The following PARD3 variants were observed in gnomAD, a reference collection of about 807,000 sequenced individuals.
The protein encoded by PARD3 is par-3 family cell polarity regulator, also known as partitioning defective 3 homolog.
PARD3 carries 75 observed loss-of-function variants against 155.4 expected under a neutral mutation model. That is an observed-to-expected ratio of 0.48 (90% CI 0.40 to 0.58). The LOEUF (loss-of-function observed/expected upper bound fraction) is 0.58. PARD3 is among the 20% of genes least tolerant of loss of function. PARD3 has a pLI of 0.00. For synonymous variants in PARD3, 576 were observed against 610.5 expected (o/e 0.94, Z 0.83); for missense variants, 1,642 against 1,721.7 (o/e 0.95, Z 0.82).
chr10:34,622,591 A>T (rs527885439), intron 2 of PARD3, among the ~76,000 whole-genome samples: 5 of 152,358 alleles, frequency 3.3e-5, no homozygotes, highest in African/African-American at 1.2e-4. Context: ...AAGCAAGATT[A>T]TCAATTCCAG....
intron 1 of PARD3, among the ~76,000 whole-genome samples, chr10:34,720,216 TG>T (rs1344203174): frequency 6.6e-6 from 1 of 152,202 alleles, no homozygotes; most frequent in African/African-American, 2.4e-5. Flanking sequence ...GTGGATCGCC[TG>T]AGTGTCAGGC....
At position 34,339,705 on chromosome 10, in the gene PARD3, G is replaced by A. The variant is rs534243129; in HGVS notation, c.2408+1922C>T. Among the ~76,000 whole-genome samples the A allele has an allele frequency of 1.4e-4, 22 of 152,280 alleles. No homozygotes were observed. The South Asian group carries it at 2.3e-3, about 16-fold the overall frequency. ...CCATTTGACATGGCCTTCGACAACTGTGCAGTGAACTACATGTACAATTTA... is the reference window on the plus strand; with the variant it reads ...CCATTTGACATGGCCTTCGACAACTATGCAGTGAACTACATGTACAATTTA... On this transcript the variant is annotated intron_variant, in intron 16 of 24. Transcript: ENST00000374788.
intron 21 of PARD3, among the ~76,000 whole-genome samples, chr10:34,272,244 T>TCTCC (rs1187856907): frequency 1.3e-5 from 2 of 152,302 alleles, no homozygotes; most frequent in Admixed American, 1.3e-4. Context: ...AACTAGTGCG[T>TCTCC]GGAGAAGGGT....
intron 1 of PARD3, among the ~76,000 whole-genome samples, chr10:34,782,820 G>A (rs897051509): frequency 4.0e-5 from 6 of 151,184 alleles, no homozygotes; most frequent in Non-Finnish European, 7.4e-5. Context: ...TCTGCCTCCC[G>A]GGTTCCAGCA....
intron 3 of PARD3, among the ~76,000 whole-genome samples, chr10:34,478,633 T>G (rs2133171123): frequency 6.6e-6 from 1 of 152,256 alleles, no homozygotes; most frequent in East Asian, 1.9e-4. Context: ...AACCTCCGCC[T>G]CCCAGGTTTA....
intron 3 of PARD3, among the ~76,000 whole-genome samples, chr10:34,516,115 C>T (rs867468114): frequency 3.3e-5 from 5 of 152,090 alleles, no homozygotes; most frequent in Admixed American, 1.3e-4. Flanking sequence ...CAGGCAACCG[C>T]CACCACGCCT....
At chr10:34,646,868 T>G (rs1286770386) in intron 2 of PARD3, among the ~76,000 whole-genome samples, 3 of 152,188 alleles carry the variant, frequency 2.0e-5, no homozygotes, top group African/African-American at 7.2e-5. Context: ...ATTATTTTTT[T>G]GCAGGCTGAC....
rs115468334 is a variant in PARD3 at position 34,460,473 on chromosome 10, T to A, written c.582+9612A>T. On this transcript the variant is annotated intron_variant, in intron 4 of 24. Transcript: ENST00000374788. ...GCTGGTTGAACTATTAGGTGTAACA[T>A]TTAACAGCTGGTTGAACTATTAGGT... Among the ~76,000 whole-genome samples, 749 of 152,286 alleles carry A rather than the reference T, an allele frequency of 4.9e-3. 4 individuals carry two copies. The highest frequency in any genetic ancestry group is 0.017 in the African/African-American group (726 of 41,564).
In PARD3 at chr10:34,337,398, G is replaced by C. The variant is rs144330998; in HGVS notation, c.2437C>G (p.Leu813Val). Residue 813 changes from leucine to valine, a missense_variant, in exon 17 of 25, where the codon CTT (leucine) becomes GTT (valine). Leu to Val is a conservative substitution (Grantham distance 32). Coordinates refer to ENST00000374788, the MANE Select transcript of PARD3 (RefSeq NM_001184785.2). ...CSLSPDVDPVLAFQREGFGRQ... is the reference protein window; with the variant it reads ...CSLSPDVDPVVAFQREGFGRQ... ...CCAAATCCTTCTCGTTGAAAAGCAA[G>C]AACTGGATCAACATCTGGACTCAAA... The C allele has an allele frequency of 5.6e-6, 9 of 1,598,258 alleles. No individual in the cohort carries two copies. Among genetic ancestry groups the C allele is most frequent in the African/African-American group, 4.1e-5 (3 of 73,934 alleles).
rs1255856402 is a variant in PARD3 at position 34,681,748 on chromosome 10, ATATATATATATATATATATATTTTTT to A, written c.222+14544_222+14569del. 9.8e-3 allele frequency among the ~76,000 whole-genome samples: 155 copies of A among 15,878 alleles called. 3 individuals carry two copies. The highest frequency in any genetic ancestry group is 0.091 in the East Asian group (85 of 932). 10.4% of individuals were successfully genotyped at this position (15,878 alleles called of 152,430 possible). ...ATGTATTTTATATATATATATATAT[ATATATATATATATATATATATTTTTT>A]TTTTTTTTTTTTTTTTTTTTTTTTT... On this transcript the variant is annotated intron_variant, in intron 2 of 24. Transcript: ENST00000374788.
intron 3 of PARD3, among the ~76,000 whole-genome samples, chr10:34,501,400 A>C (rs1242581475): frequency 6.6e-6 from 1 of 152,066 alleles, no homozygotes; most frequent in African/African-American, 2.4e-5. Flanking sequence ...AAGCTTCCAG[A>C]GGCTTCCCTA....
At chr10:34,763,119 C>T (rs1837655419) in intron 1 of PARD3, among the ~76,000 whole-genome samples, 1 of 152,180 alleles carries the variant, frequency 6.6e-6, no homozygotes, top group Non-Finnish European at 1.5e-5. Context: ...GAGGTCACTG[C>T]TGGTATTTAG....
intron 5 of PARD3, among the ~76,000 whole-genome samples, chr10:34,439,907 T>G (rs2076378091): frequency 1.3e-5 from 2 of 152,046 alleles, no homozygotes. Flanking sequence ...CTACCGCCAT[T>G]AGAGCACAGG....
rs145454308 is a variant in PARD3 at position 34,322,280 on chromosome 10, C to T, written c.2834-4942G>A. On this transcript the variant is annotated intron_variant, in intron 19 of 24. Transcript: ENST00000374788. ...AGCCCTAAAATTACCCTATGGATAG[C>T]TGAATTATGGAATTATTTTGTGGGT... Among the ~76,000 whole-genome samples the T allele has an allele frequency of 1.5e-3, 229 of 152,206 alleles. 2 individuals are homozygous for T. The highest frequency in any genetic ancestry group is 2.6e-3 in the Non-Finnish European group (174 of 68,018).
rs565987968 is a variant in PARD3 at position 34,485,333 on chromosome 10, G to A, written c.404-15070C>T. On this transcript the variant is annotated intron_variant, in intron 3 of 24. Transcript: ENST00000374788. Reference sequence around the variant, plus strand: ...AGCCTGGGAGACAGAGCAAGACTCTGTCTCAAAAAAAAAAAAAAGTTCATT... The same window carrying A: ...AGCCTGGGAGACAGAGCAAGACTCTATCTCAAAAAAAAAAAAAAGTTCATT... Among the ~76,000 whole-genome samples the A allele has an allele frequency of 2.2e-4, 24 of 108,790 alleles. No homozygotes were observed. The East Asian group carries it at 4.0e-3, about 18-fold the overall frequency. 71.4% of individuals were successfully genotyped at this position (108,790 alleles called of 152,430 possible). A position where few individuals can be genotyped will look rare whatever the true frequency, so the allele number is the denominator to read the frequency against.
chr10:34,516,060 G>C (rs115092920), intron 3 of PARD3, among the ~76,000 whole-genome samples: 2 of 151,650 alleles, frequency 1.3e-5, no homozygotes, highest in African/African-American at 4.9e-5. Flanking sequence ...ACCTCCAATC[G>C]TTCAAGCAAT....
At chr10:34,379,776 A>G (rs1841637459) in intron 9 of PARD3, among the ~76,000 whole-genome samples, 1 of 152,134 alleles carries the variant, frequency 6.6e-6, no homozygotes, top group African/African-American at 2.4e-5. Context: ...CTTTATTAAA[A>G]AGCTAATTTC....
At chr10:34,139,490 T>G (rs566729154) in intron 22 of PARD3, among the ~76,000 whole-genome samples, 1 of 152,326 alleles carries the variant, frequency 6.6e-6, no homozygotes, top group East Asian at 1.9e-4. Context: ...TTACTAATTC[T>G]TCTTGTATCC....
chr10:34,798,615 GAGTCACT>G (rs1176788142), intron 1 of PARD3, among the ~76,000 whole-genome samples: 3 of 150,914 alleles, frequency 2.0e-5, no homozygotes, highest in African/African-American at 7.3e-5. Flanking sequence ...TGAGGCAGGA[GAGTCACT>G]AGAACCCGGG....
Sources: gnomAD v4.1 joint callset for allele counts (sites outside exome capture counted in the v4.1 genomes callset) on GRCh38, gnomAD v4.1.1 for gene constraint, MANE v1.5 for transcripts, NCBI Gene and HGNC (gene_info 2026-07-23, HGNC 2026-07-21) for gene names.